The following KIAA1586 variants were observed in gnomAD, a reference collection of about 807,000 sequenced individuals.
The protein encoded by KIAA1586 is KIAA1586.
KIAA1586 carries 5 observed loss-of-function variants against 6.1 expected under a neutral mutation model. That is an observed-to-expected ratio of 0.82 (90% CI 0.43 to 1.73). The LOEUF (loss-of-function observed/expected upper bound fraction) is 1.73, where lower values mean the gene tolerates loss of function less well. Ranked by LOEUF, KIAA1586 falls within the 40% of genes most tolerant of loss-of-function variation. KIAA1586 has a pLI of 0.02. For synonymous variants in KIAA1586, 280 were observed against 301.7 expected, an observed-to-expected ratio of 0.93 and a Z score of 0.75; for missense variants, 899 against 878.2, an observed-to-expected ratio of 1.02 and a Z score of -0.30.
rs1446583361 is a variant in KIAA1586, at chr6:57,050,863, AT to A, written c.186+11del. On this transcript the variant is annotated intron_variant, in intron 3 of 3. Coordinates refer to ENST00000370733, the MANE Select transcript of KIAA1586 (RefSeq NM_020931.4). ...GCGCCTATTATAGTGATGTAAGCAC[AT>A]TATATTTGTGTTTGTTCAGTTTTCT... 1.6e-5 allele frequency: 25 copies of A among 1,586,284 alleles called. No individual in the cohort carries two copies. The highest frequency in any genetic ancestry group is 2.2e-5 in the Non-Finnish European group (25 of 1,155,050).
Position 57,052,950 on chromosome 6 carries a change from T to C in KIAA1586, c.451T>C (p.Trp151Arg), listed in dbSNP as rs1377354186. ...ATTTATGTTTACAGAACAATACAAA[T>C]GGCTTGAAATAAAAGAAGGTAAATT... is the stretch of plus-strand genomic sequence containing the variant. ...QAFMFTEQYK[W>R]LEIKEGKLGC... The change falls in exon 4 of 4, where the codon TGG (tryptophan) becomes CGG (arginine). Residue 151 changes from tryptophan (W) to arginine (R), a missense_variant. Physicochemically the swap from Trp to Arg is moderately radical, Grantham distance 101. Coordinates refer to ENST00000370733, the MANE Select transcript of KIAA1586 (RefSeq NM_020931.4). The C allele has an allele frequency of 6.2e-7, 1 of 1,613,722 alleles. No individual in the cohort carries two copies. Among genetic ancestry groups the C allele is most frequent in the African/African-American group, 1.3e-5 (1 of 75,020 alleles).
intron 3 of KIAA1586, 124 bp downstream of exon 3, chr6:57,050,978 C>T: frequency 1.5e-6 from 1 of 670,950 alleles, no homozygotes; most frequent in African/African-American, 1.9e-5. Context: ...GCTTGTAATC[C>T]CAGCACTTTG....
chr6:57,054,951 GT>G lies in KIAA1586; in HGVS notation c.*90del. On this transcript the variant is annotated 3_prime_UTR_variant, in exon 4 of 4. Transcript: ENST00000370733. ...GGTCTTTTTTTTTTTTGGAAAGCCA[GT>G]TAAACTTTTATCAGCATGTTGCTGT... 7.4e-7 allele frequency: 1 copy of G among 1,355,940 alleles called. No individual in the cohort carries two copies. Among genetic ancestry groups the G allele is most frequent in the South Asian group, 1.8e-5 (1 of 57,036 alleles). 84.0% of individuals were successfully genotyped at this position (1,355,940 alleles called of 1,614,324 possible).
At chr6:57,056,452 G>A (rs1373496222), downstream of KIAA1586, among the ~76,000 whole-genome samples, 6 of 149,560 alleles carry the variant, frequency 4.0e-5, no homozygotes, top group Non-Finnish European at 7.4e-5. Flanking sequence ...CAGGTGATGC[G>A]CCTGCCTCAG....
intron 3 of KIAA1586, among the ~76,000 whole-genome samples, chr6:57,051,338 A>C (rs1172711469): frequency 6.6e-6 from 1 of 151,754 alleles, no homozygotes; most frequent in Non-Finnish European, 1.5e-5. Context: ...CAAGTACATA[A>C]ATGATCATAT....
At position 57,055,003 on chromosome 6, in the gene KIAA1586, A is replaced by T. The variant is rs1828472639; in HGVS notation, c.*140A>T. ...TTAAAAGGCGTTCTTTAAGAAGATA[A>T]TCTTGAAGATTGGTTTTAGAAGCTA... On this transcript the variant is annotated 3_prime_UTR_variant, in exon 4 of 4. Coordinates refer to ENST00000370733, the MANE Select transcript of KIAA1586 (RefSeq NM_020931.4). 11 of 989,554 alleles carry T rather than the reference A, an allele frequency of 1.1e-5. No individual in the cohort carries two copies. The highest frequency in any genetic ancestry group is 8.4e-5 in the South Asian group (4 of 47,500). The allele number at this position is 989,554 out of a possible 1,614,324, so 61.3% of individuals were successfully genotyped here. A position where few individuals can be genotyped will look rare whatever the true frequency, so the allele number is the denominator to read the frequency against.
Position 57,054,392 on chromosome 6 carries a change from T to C in KIAA1586, c.1893T>C (p.Phe631=), listed in dbSNP as rs756909205. 5 of 1,609,038 alleles carry C rather than the reference T, an allele frequency of 3.1e-6. No homozygotes were observed. Among genetic ancestry groups the C allele is most frequent in the Admixed American group, 3.4e-5 (2 of 58,954 alleles). ...DRNHEDIFNY[F]DLLEPSTWPY... is the part of the protein sequence containing the mutation. ...ACCATGAAGATATTTTTAATTACTT[T>C]GATTTGCTGGAACCTTCCACATGGC... The change falls in exon 4 of 4, where the codon TTT becomes TTC. Residue 631 remains phenylalanine (F), a synonymous_variant. Transcript: ENST00000370733.
Position 57,054,174 on chromosome 6 carries a change from C to T in KIAA1586, c.1675C>T (p.Arg559Cys), listed in dbSNP as rs367948798. The change falls in exon 4 of 4, where the codon CGT (arginine) becomes TGT (cysteine). Residue 559 changes from arginine to cysteine, a missense_variant. By Grantham distance (180) the Arg-to-Cys change is radical (BLOSUM62 -3). Coordinates refer to ENST00000370733, the MANE Select transcript of KIAA1586 (RefSeq NM_020931.4). ...NIKKAQKLIK[R>C]TIRALENLKI... ...TAAGAAAGCACAAAAATTGATCAAA[C>T]GTACCATAAGAGCTTTGGAAAATTT... The T allele has an allele frequency of 1.7e-5, 27 of 1,587,792 alleles. No individual in the cohort carries two copies. The African/African-American group carries it at 2.7e-4, about 16-fold the overall frequency.
the KIAA1586 span, among the ~76,000 whole-genome samples, chr6:57,062,741 T>TAG: frequency 6.6e-6 from 1 of 152,102 alleles, no homozygotes; most frequent in Admixed American, 6.6e-5. Flanking sequence ...ATGGTAGTCT[T>TAG]AACTGACTAT....
rs1828437499 is a variant in KIAA1586 at position 57,054,295 on chromosome 6, A to G, written c.1796A>G (p.Asn599Ser). 6.3e-7 allele frequency: 1 copy of G among 1,580,738 alleles called. No homozygotes were observed. The highest frequency in any genetic ancestry group is 2.2e-5 in the East Asian group (1 of 44,642). Residue 599 changes from asparagine (N) to serine (S), a missense_variant, in exon 4 of 4, where the codon AAT (asparagine) becomes AGT (serine). Physicochemically the swap from Asn to Ser is conservative, Grantham distance 46. Coordinates refer to ENST00000370733, the MANE Select transcript of KIAA1586 (RefSeq NM_020931.4). ...DIPFNKNNKF[N>S]ALPRSILLDN... is the part of the protein sequence containing the mutation. ...CCATTTAATAAAAACAATAAATTTA[A>G]TGCTCTTCCTAGGAGTATATTACTA...
At chr6:57,057,922 G>C (rs1828521156), downstream of KIAA1586, among the ~76,000 whole-genome samples, 1 of 152,034 alleles carries the variant, frequency 6.6e-6, no homozygotes, top group African/African-American at 2.4e-5. Flanking sequence ...AGCTTCCCAA[G>C]TAGTAGGGAT....
At chr6:57,058,803 T>A (rs574835811), downstream of KIAA1586, among the ~76,000 whole-genome samples, 2 of 152,302 alleles carry the variant, frequency 1.3e-5, no homozygotes, top group Non-Finnish European at 2.9e-5. Context: ...TAAGAAAAAA[T>A]TTTAAAATGC....
At chr6:57,064,189 T>C in the KIAA1586 span, among the ~76,000 whole-genome samples, 274 of 152,304 alleles carry the variant, frequency 1.8e-3, 1 homozygote, top group Middle Eastern at 3.4e-3. Context: ...CATTCCAAAA[T>C]ATATAGTTGG....
At position 57,053,602 on chromosome 6, in the gene KIAA1586, C is replaced by G. The variant is rs745648161; in HGVS notation, c.1103C>G (p.Thr368Ser). Residue 368 changes from threonine (T) to serine (S), a missense_variant, in exon 4 of 4, where the codon ACT (threonine) becomes AGT (serine). Coordinates refer to ENST00000370733, the MANE Select transcript of KIAA1586 (RefSeq NM_020931.4). ...IAECIVNTLL[T>S]TLNDCGFTNE... ...GAGTGTATTGTCAATACATTATTGA[C>G]TACTTTAAATGATTGTGGTTTTACA... 1.9e-6 allele frequency: 3 copies of G among 1,609,920 alleles called. No homozygotes were observed. The highest frequency in any genetic ancestry group is 2.2e-5 in the South Asian group (2 of 90,754).
chr6:57,063,654 A>G, the KIAA1586 span, among the ~76,000 whole-genome samples: 11 of 151,864 alleles, frequency 7.2e-5, no homozygotes, highest in African/African-American at 1.7e-4. Context: ...GGGTTTCACC[A>G]TGTTGGCCAG....
chr6:57,054,350 C>G lies in KIAA1586; in HGVS notation c.1851C>G (p.Arg617=), dbSNP rs182463231. 1 of 1,603,314 alleles carries G rather than the reference C, an allele frequency of 6.2e-7. No individual in the cohort carries two copies. Among genetic ancestry groups the G allele is most frequent in the East Asian group, 2.2e-5 (1 of 44,756 alleles). Residue 617 remains arginine (R), a synonymous_variant, in exon 4 of 4, where the codon CGC becomes CGG. Transcript: ENST00000370733. ...ATATAATTCAGCACATGAACCTACG[C>G]CTTTTATCTGACAGAAACCATGAAG... ...LDNIIQHMNL[R]LLSDRNHEDI...
chr6:57,055,428 T>C (rs1593052415), downstream of KIAA1586, among the ~76,000 whole-genome samples: 1 of 152,138 alleles, frequency 6.6e-6, no homozygotes, highest in East Asian at 1.9e-4. Context: ...TCTGTTACCT[T>C]GCATAAGATA....
downstream of KIAA1586, among the ~76,000 whole-genome samples, chr6:57,059,403 T>C (rs1828536403): frequency 6.6e-6 from 1 of 151,920 alleles, no homozygotes; most frequent in Non-Finnish European, 1.5e-5. Flanking sequence ...CCATCCTGGC[T>C]AACACGGTGA....
rs1470007771 is a variant in KIAA1586 at position 57,053,703 on chromosome 6, G to A, written c.1204G>A (p.Val402Ile). Residue 402 changes from valine to isoleucine, a missense_variant, in exon 4 of 4, where the codon GTA (valine) becomes ATA (isoleucine). Val to Ile is a conservative substitution (Grantham distance 29). Transcript: ENST00000370733. ...ANTILGRKSGVATKLLENFPE... is the reference protein window; with the variant it reads ...ANTILGRKSGIATKLLENFPE... The stretch of plus-strand genomic sequence containing the variant: ...TACAATCCTGGGAAGAAAGTCTGGA[G>A]TAGCTACAAAATTGTTAGAAAATTT... 6.2e-7 allele frequency: 1 copy of A among 1,610,840 alleles called. No individual in the cohort carries two copies. Among genetic ancestry groups the A allele is most frequent in the Admixed American group, 1.7e-5 (1 of 59,890 alleles).
Sources: allele counts gnomAD v4.1 joint callset (sites outside exome capture counted in the v4.1 genomes callset), GRCh38; gene constraint gnomAD v4.1.1; transcripts MANE v1.5; gene names NCBI Gene and HGNC (gene_info 2026-07-23, HGNC 2026-07-21).